HNRNPD: variants seen among roughly 807,000 people sequenced by gnomAD.
The protein encoded by HNRNPD is heterogeneous nuclear ribonucleoprotein D.
In HNRNPD, 3 loss-of-function variants were observed where a neutral mutation model predicts 47.9. That is an observed-to-expected ratio of 0.06 (90% CI 0.03 to 0.16). The LOEUF is 0.16. HNRNPD is among the 10% of genes least tolerant of loss of function. The probability of loss-of-function intolerance (pLI) is 1.00; values close to 1 mark genes in which losing one functional copy is unlikely to be tolerated. For synonymous variants in HNRNPD, 171 were observed against 165.1 expected (o/e 1.04, Z -0.28); for missense variants, 287 against 454.2 (o/e 0.63, Z 3.35).
At chr4:82,355,031 G>T in intron 8 of HNRNPD, 4 of 427,808 alleles carry the variant, frequency 9.3e-6, no homozygotes, top group Non-Finnish European at 1.7e-5. Flanking sequence ...TATAATGTCA[G>T]AGTTAGTAGG....
chr4:82,372,840 T>G (rs114878012), intron 1 of HNRNPD, among the ~76,000 whole-genome samples: 2 of 152,206 alleles, frequency 1.3e-5, no homozygotes, highest in East Asian at 3.9e-4. Flanking sequence ...CATTGTGCGA[T>G]AGCGTATGGT....
intron 1 of HNRNPD, 57 bp from the exon 2 acceptor site, chr4:82,371,641 C>T (rs1720051714): frequency 2.1e-6 from 3 of 1,422,802 alleles, no homozygotes; most frequent in African/African-American, 2.8e-5. Flanking sequence ...TAGTTTTTGA[C>T]ACTGTTAGGG....
At chr4:82,369,254 T>G (rs1446903789) in intron 2 of HNRNPD, among the ~76,000 whole-genome samples, 1 of 152,080 alleles carries the variant, frequency 6.6e-6, no homozygotes, top group Non-Finnish European at 1.5e-5. Flanking sequence ...CAAAGTAAAA[T>G]GAGAAATTCC....
chr4:82,370,972 GTA>G (rs755438775), intron 2 of HNRNPD, among the ~76,000 whole-genome samples: 33 of 118,418 alleles, frequency 2.8e-4, no homozygotes, highest in African/African-American at 7.0e-4. Context: ...CCTTTTAATG[GTA>G]TATATATACA....
At position 82,353,786 on chromosome 4, in the gene HNRNPD, C is replaced by G. The variant is rs1232100684; in HGVS notation, c.*399G>C. 1 of 152,580 alleles carries G rather than the reference C, an allele frequency of 6.6e-6. No individual in the cohort carries two copies. Among genetic ancestry groups the G allele is most frequent in the Non-Finnish European group, 1.5e-5 (1 of 68,004 alleles). The allele number at this position is 152,580 out of a possible 1,614,324, so 9.5% of individuals were successfully genotyped here. On this transcript the variant is annotated 3_prime_UTR_variant, in exon 9 of 9. Coordinates refer to ENST00000313899, the MANE Select transcript of HNRNPD (RefSeq NM_031370.3). ...AACTTATGCTTTTAATAACTTGAAT[C>G]CATGACAATTTTTCCTATTCTGATG...
intron 2 of HNRNPD, among the ~76,000 whole-genome samples, chr4:82,362,336 CT>C (rs1719499190): frequency 2.0e-5 from 3 of 152,198 alleles, no homozygotes; most frequent in Non-Finnish European, 2.9e-5. Flanking sequence ...TTTTCAAATT[CT>C]GTGTAAAGTA....
intron 2 of HNRNPD, among the ~76,000 whole-genome samples, chr4:82,360,671 G>A (rs547077733): frequency 6.6e-6 from 1 of 152,190 alleles, no homozygotes; most frequent in African/African-American, 2.4e-5. Flanking sequence ...GGTCATGGGT[G>A]GGGACTGGGA....
In HNRNPD at chr4:82,357,365, T is replaced by G. The variant is rs776607209; in HGVS notation, c.701A>C (p.Glu234Ala). The G allele has an allele frequency of 6.2e-7, 1 of 1,613,518 alleles. No individual in the cohort carries two copies. Among genetic ancestry groups the G allele is most frequent in the Non-Finnish European group, 8.5e-7 (1 of 1,179,774 alleles). ...CTTTTCCATTATCTTCTTCACTGGT[T>G]CTTCTTCCTTAAAGGTAATAAAGCA... ...GFCFITFKEE[E>A]PVKKIMEKKY... The change falls in exon 5 of 9, where the codon GAA (glutamate) becomes GCA (alanine). Residue 234 changes from glutamate (E) to alanine (A), a missense_variant. This residue lies in a region of HNRNPD where 39 missense variants were observed against 113.1 expected (regional missense o/e 0.34). Transcript: ENST00000313899.
In HNRNPD at chr4:82,353,711, C is replaced by T. The variant is rs1167565315; in HGVS notation, c.*474G>A. On this transcript the variant is annotated 3_prime_UTR_variant, in exon 9 of 9. Transcript: ENST00000313899. ...TAGATTTTGCTAAAAACATTTCAAA[C>T]TTCACTGCAATTTTAATCATGTCCT... 2.0e-5 allele frequency: 3 copies of T among 152,640 alleles called. No homozygotes were observed. Among genetic ancestry groups the T allele is most frequent in the African/African-American group, 7.2e-5 (3 of 41,454 alleles). The allele number at this position is 152,640 out of a possible 1,614,324, so 9.5% of individuals were successfully genotyped here.
intron 2 of HNRNPD, among the ~76,000 whole-genome samples, chr4:82,362,635 C>G (rs975934132): frequency 1.3e-5 from 2 of 152,202 alleles, no homozygotes; most frequent in African/African-American, 2.4e-5. Flanking sequence ...GACAGTCTCA[C>G]TCTGTCGCCC....
chr4:82,364,111 G>A (rs1476193110), intron 2 of HNRNPD, among the ~76,000 whole-genome samples: 3 of 151,880 alleles, frequency 2.0e-5, no homozygotes, highest in African/African-American at 4.8e-5. Context: ...CCAGTAGCTC[G>A]GACTACAGGC....
intron 2 of HNRNPD, among the ~76,000 whole-genome samples, chr4:82,368,231 T>C (rs570866101): frequency 2.0e-5 from 3 of 152,182 alleles, no homozygotes; most frequent in African/African-American, 7.2e-5. Flanking sequence ...ATCCTTCACG[T>C]TGGCATAAAT....
intron 2 of HNRNPD, among the ~76,000 whole-genome samples, chr4:82,362,169 A>T (rs1719491209): frequency 6.6e-6 from 1 of 152,222 alleles, no homozygotes; most frequent in African/African-American, 2.4e-5. Context: ...TATTATGCTG[A>T]TTTAGAATAT....
At chr4:82,372,958 A>C (rs368500379) in intron 1 of HNRNPD, among the ~76,000 whole-genome samples, 14 of 152,360 alleles carry the variant, frequency 9.2e-5, no homozygotes, top group Admixed American at 3.9e-4. Flanking sequence ...CGCGTTCCCC[A>C]AAACATGTGC....
At chr4:82,367,731 A>T (rs1719836782) in intron 2 of HNRNPD, among the ~76,000 whole-genome samples, 1 of 152,058 alleles carries the variant, frequency 6.6e-6, no homozygotes, top group Non-Finnish European at 1.5e-5. Flanking sequence ...CCCCACCCCC[A>T]AATATTCTTA....
chr4:82,370,220 T>C (rs1719968794), intron 2 of HNRNPD, among the ~76,000 whole-genome samples: 1 of 152,206 alleles, frequency 6.6e-6, no homozygotes, highest in Non-Finnish European at 1.5e-5. Flanking sequence ...TTATTAACTA[T>C]GAATATAAAC....
chr4:82,362,235 C>A lies in HNRNPD; in HGVS notation c.291-2596G>T, dbSNP rs77559737. Among the ~76,000 whole-genome samples, 988 of 152,302 alleles carry A rather than the reference C, an allele frequency of 6.5e-3. 11 individuals are homozygous for A. The highest frequency in any genetic ancestry group is 0.022 in the African/African-American group (929 of 41,560). ...ACACCAAGTCCATCTCATTTCTTCA[C>A]AAGTTCTACTTTTCATTTTTGCCAG... On this transcript the variant is annotated intron_variant, in intron 2 of 8. Coordinates refer to ENST00000313899, the MANE Select transcript of HNRNPD (RefSeq NM_031370.3).
At chr4:82,357,505 A>C (rs1032731327) in intron 4 of HNRNPD, 61 bp from the exon 5 acceptor site, 1 of 1,442,788 alleles carries the variant, frequency 6.9e-7, no homozygotes, top group Non-Finnish European at 9.3e-7. Context: ...TAAAAGAAAC[A>C]CAAGTTTAGA....
At chr4:82,373,325 A>G (rs2110007266) in intron 1 of HNRNPD, 121 bp downstream of exon 1, 1 of 1,318,324 alleles carries the variant, frequency 7.6e-7, no homozygotes, top group African/African-American at 1.5e-5. Context: ...GACCAGTGCA[A>G]GGAGGCTGCA....
Sources: gnomAD v4.1 joint callset for allele counts (sites outside exome capture counted in the v4.1 genomes callset) on GRCh38, gnomAD v4.1.1 for gene constraint, gnomAD v4.1.1 regional missense constraint, MANE v1.5 for transcripts, NCBI Gene and HGNC (gene_info 2026-07-23, HGNC 2026-07-21) for gene names.